LNPEP: variants seen among roughly 807,000 people sequenced by gnomAD.
LNPEP encodes the protein leucyl and cystinyl aminopeptidase.
In LNPEP, 64 loss-of-function variants were observed where a neutral mutation model predicts 120.6. The ratio of observed to expected loss-of-function variants is 0.53; its 90% CI spans 0.43 to 0.65. LNPEP has a LOEUF of 0.65. Among genes scored for constraint, LNPEP ranks in the 30% least tolerant of loss-of-function variants. The pLI is 0.00. For synonymous variants in LNPEP, 435 were observed against 425.4 expected (o/e 1.02, Z -0.28); for missense variants, 1,057 against 1,200.0 (o/e 0.88, Z 1.76).
At position 96,979,646 on chromosome 5, in the gene LNPEP, C is replaced by T; in HGVS notation, c.528C>T (p.Arg176=). 2 of 1,614,100 alleles carry T rather than the reference C, an allele frequency of 1.2e-6. No homozygotes were observed. The highest frequency in any genetic ancestry group is 1.1e-5 in the South Asian group (1 of 91,090). The stretch of plus-strand genomic sequence containing the variant: ...TTCCCACTGCCGTTGTGCCACTACG[C>T]TATGAACTCAGCCTACACCCGAACC... ...IRLPTAVVPL[R]YELSLHPNLT... Residue 176 remains arginine (R), a synonymous_variant, in exon 2 of 18, where the codon CGC becomes CGT. Coordinates refer to ENST00000231368, the MANE Select transcript of LNPEP (RefSeq NM_005575.3).
At chr5:96,942,329 C>T (rs1789074062) in intron 1 of LNPEP, 1 of 152,266 alleles carries the variant, frequency 6.6e-6, no homozygotes, top group Middle Eastern at 3.4e-3. Flanking sequence ...GAAAAACGCC[C>T]ATGAAGCCAG....
intron 14 of LNPEP, among the ~76,000 whole-genome samples, chr5:97,023,817 C>T (rs1241957455): frequency 1.3e-5 from 2 of 152,176 alleles, no homozygotes; most frequent in African/African-American, 4.8e-5. Context: ...TTGTTTTCTA[C>T]AGCAGCTGCA....
chr5:97,001,329 C>CT (rs1790644716), intron 8 of LNPEP, among the ~76,000 whole-genome samples: 1 of 152,054 alleles, frequency 6.6e-6, no homozygotes, highest in Admixed American at 6.6e-5. Context: ...GTCAGGGTAA[C>CT]TTTAAGATTT....
chr5:96,978,701 A>G (rs1790055868), intron 1 of LNPEP, among the ~76,000 whole-genome samples: 1 of 152,136 alleles, frequency 6.6e-6, no homozygotes, highest in Non-Finnish European at 1.5e-5. Flanking sequence ...CCCAAACCCT[A>G]GAAGGGGAAC....
At chr5:97,015,129 T>G in intron 13 of LNPEP, 34 bp downstream of exon 13, 1 of 1,455,924 alleles carries the variant, frequency 6.9e-7, no homozygotes, top group Non-Finnish European at 9.2e-7. Flanking sequence ...TCTTGCTGTT[T>G]ATCTTTAATA....
At position 96,954,639 on chromosome 5, in the gene LNPEP, T is replaced by TACATATATACATATATAC. The variant is rs1264343221; in HGVS notation, c.19+18529_19+18546dup. The stretch of plus-strand genomic sequence containing the variant: ...CTCTCTATATATATATATACATATA[T>TACATATATACATATATAC]ACATATATACATATATACACATATA... On this transcript the variant is annotated intron_variant, in intron 1 of 17. Transcript: ENST00000231368. Among the ~76,000 whole-genome samples, 9 of 129,788 alleles carry TACATATATACATATATAC rather than the reference T, an allele frequency of 6.9e-5. 1 individual carries two copies. Among genetic ancestry groups the TACATATATACATATATAC allele is most frequent in the African/African-American group, 1.3e-4 (4 of 30,566 alleles). The allele number at this position is 129,788 out of a possible 152,430, so 85.1% of individuals were successfully genotyped here. A position where few individuals can be genotyped will look rare whatever the true frequency, so the allele number is the denominator to read the frequency against.
chr5:96,955,545 G>T (rs769866388), intron 1 of LNPEP, among the ~76,000 whole-genome samples: 3 of 152,208 alleles, frequency 2.0e-5, no homozygotes, highest in Non-Finnish European at 4.4e-5. Context: ...AACCCAGGAG[G>T]CAGAGGTTGT....
chr5:97,033,201 C>T lies in LNPEP; in HGVS notation c.*4668C>T, dbSNP rs948176109. The stretch of plus-strand genomic sequence containing the variant: ...AAGTACCAATGAAATGTGGAGATCT[C>T]GATGTATAACAGTCTCCCATTCTCC... On this transcript the variant is annotated 3_prime_UTR_variant, in exon 18 of 18. Coordinates refer to ENST00000231368, the MANE Select transcript of LNPEP (RefSeq NM_005575.3). 12 of 151,882 alleles carry T rather than the reference C, an allele frequency of 7.9e-5. No individual in the cohort carries two copies. Among genetic ancestry groups the T allele is most frequent in the African/African-American group, 2.7e-4 (11 of 41,312 alleles). 9.4% of individuals were successfully genotyped at this position (151,882 alleles called of 1,614,324 possible).
At chr5:97,012,594 T>C (rs1195910321) in intron 11 of LNPEP, among the ~76,000 whole-genome samples, 2 of 152,202 alleles carry the variant, frequency 1.3e-5, no homozygotes, top group East Asian at 3.8e-4. Flanking sequence ...ATGTAGCTTA[T>C]ATTCTATTAA....
intron 1 of LNPEP, among the ~76,000 whole-genome samples, chr5:96,954,774 T>A (rs12652971): frequency 0.23 from 4,249 of 18,486 alleles, 132 homozygotes; most frequent in African/African-American, 0.27. Context: ...ATATATATAT[T>A]TTTTTTTTTT....
chr5:96,937,909 A>G (rs1007309424), intron 1 of LNPEP: 22 of 152,268 alleles, frequency 1.4e-4, no homozygotes, highest in African/African-American at 5.1e-4. Flanking sequence ...ACTTTCATGT[A>G]GGAAATTGGA....
intron 2 of LNPEP, among the ~76,000 whole-genome samples, chr5:96,983,206 C>A (rs1004472397): frequency 6.6e-6 from 1 of 152,114 alleles, no homozygotes; most frequent in Admixed American, 6.6e-5. Context: ...TTCTCCTTAT[C>A]TTCTAGTAGT....
At chr5:97,015,229 C>T in intron 13 of LNPEP, 134 bp downstream of exon 13, 1 of 545,202 alleles carries the variant, frequency 1.8e-6, no homozygotes, top group South Asian at 4.3e-5. Context: ...CTTGTGAAAT[C>T]TTTACTTAAA....
At position 96,976,908 on chromosome 5, in the gene LNPEP, C is replaced by G. The variant is rs1790012695; in HGVS notation, c.20-2230C>G. Among the ~76,000 whole-genome samples, 3 of 134,786 alleles carry G rather than the reference C, an allele frequency of 2.2e-5. No homozygotes were observed. In the South Asian group the frequency reaches 7.7e-4, roughly 34 times the overall value. The allele number at this position is 134,786 out of a possible 152,430, so 88.4% of individuals were successfully genotyped here. A position where few individuals can be genotyped will look rare whatever the true frequency, so the allele number is the denominator to read the frequency against. On this transcript the variant is annotated intron_variant, in intron 1 of 17. Coordinates refer to ENST00000231368, the MANE Select transcript of LNPEP (RefSeq NM_005575.3). ...AGTGTATGACCCAAAACACTATTAA[C>G]TATCAAAACAGAACATACTTTTTTT...
intron 1 of LNPEP, among the ~76,000 whole-genome samples, chr5:96,956,449 C>T (rs954708229): frequency 6.6e-6 from 1 of 152,170 alleles, no homozygotes; most frequent in Non-Finnish European, 1.5e-5. Context: ...GCCCTGGAGG[C>T]GGAGGTTGCA....
intron 6 of LNPEP, among the ~76,000 whole-genome samples, chr5:96,994,373 A>G (rs1790459354): frequency 6.6e-6 from 1 of 152,134 alleles, no homozygotes; most frequent in African/African-American, 2.4e-5. Flanking sequence ...ACCTATGACA[A>G]ATGCCCATTG....
Position 97,028,527 on chromosome 5 carries a change from G to T in LNPEP, c.3072G>T (p.Trp1024Cys), listed in dbSNP as rs1791399961. Reference protein sequence around the residue: ...MEKNLKSLTWWL With the variant: ...MEKNLKSLTWCL ...AGAACCTCAAAAGTCTCACATGGTG[G>T]CTGTAGCATGCACAACCGCACCTCA... Residue 1024 changes from tryptophan to cysteine, a missense_variant, in exon 18 of 18, where the codon TGG becomes TGT. Physicochemically the swap from Trp to Cys is radical, Grantham distance 215. Coordinates refer to ENST00000231368, the MANE Select transcript of LNPEP (RefSeq NM_005575.3). 2 of 1,613,478 alleles carry T rather than the reference G, an allele frequency of 1.2e-6. No individual in the cohort carries two copies. Among genetic ancestry groups the T allele is most frequent in the African/African-American group, 2.7e-5 (2 of 74,904 alleles).
At chr5:97,012,229 G>C (rs1790948889) in intron 11 of LNPEP, among the ~76,000 whole-genome samples, 1 of 151,978 alleles carries the variant, frequency 6.6e-6, no homozygotes, top group African/African-American at 2.4e-5. Context: ...GGTGAAAAAG[G>C]ATAAAATAAA....
Position 97,001,389 on chromosome 5 carries a change from G to A in LNPEP, c.1654-2026G>A, listed in dbSNP as rs12657704. On this transcript the variant is annotated intron_variant, in intron 8 of 17. Coordinates refer to ENST00000231368, the MANE Select transcript of LNPEP (RefSeq NM_005575.3). ...AGTTGCCATTTGCTGAAATGGAGAA[G>A]ACTGCTTTAGAAGTAGGTTTAGGGA... is the stretch of plus-strand genomic sequence containing the variant. Among the ~76,000 whole-genome samples the A allele has an allele frequency of 9.1e-3, 1,382 of 152,264 alleles. 28 individuals carry two copies. The highest frequency in any genetic ancestry group is 0.066 in the East Asian group (343 of 5,186).
Sources: allele counts gnomAD v4.1 joint callset (sites outside exome capture counted in the v4.1 genomes callset), GRCh38; gene constraint gnomAD v4.1.1; transcripts MANE v1.5; gene names NCBI Gene and HGNC (gene_info 2026-07-23, HGNC 2026-07-21).